Variants in MON1B observed in about 807,000 individuals in gnomAD.
MON1B encodes vacuolar fusion protein MON1 homolog B.
In MON1B, 26 loss-of-function variants were observed where a neutral mutation model predicts 45.1. The ratio of observed to expected loss-of-function variants is 0.58; its 90% CI spans 0.42 to 0.80. The LOEUF (loss-of-function observed/expected upper bound fraction) is 0.80. Ranked by LOEUF, MON1B falls within the 30% of genes least tolerant of loss-of-function variation. The pLI is 0.00. For missense variants in MON1B, 737 were observed against 754.5 expected, an observed-to-expected ratio of 0.98 and a Z score of 0.27; for synonymous variants, 395 against 320.2, an observed-to-expected ratio of 1.23 and a Z score of -2.49.
intron 2 of MON1B, among the ~76,000 whole-genome samples, chr16:77,192,005 G>A (rs771847146): frequency 6.6e-6 from 1 of 151,994 alleles, no homozygotes; most frequent in Non-Finnish European, 1.5e-5. Flanking sequence ...TGAGGAGTAG[G>A]GTGTTATTTA....
At position 77,199,512 on chromosome 16, in the gene MON1B, G is replaced by C. The variant is rs199890788; in HGVS notation, c.*1204G>C. The C allele has an allele frequency of 6.4e-7, 1 of 1,551,278 alleles. No individual in the cohort carries two copies. The highest frequency in any genetic ancestry group is 8.7e-7 in the Non-Finnish European group (1 of 1,146,746). ...GCCAGAAGCTACTGAGGAGGCTGAA[G>C]GTAGTGAGGGCAAGTGGGCTGCACT... On this transcript the variant is annotated 3_prime_UTR_variant, in exon 6 of 6. Coordinates refer to ENST00000248248, the MANE Select transcript of MON1B (RefSeq NM_014940.4).
chr16:77,194,066 CTG>C lies in MON1B; in HGVS notation c.476-265_476-264del, dbSNP rs2054639182. 4 of 599,570 alleles carry C rather than the reference CTG, an allele frequency of 6.7e-6. No homozygotes were observed. The highest frequency in any genetic ancestry group is 1.2e-5 in the Non-Finnish European group (4 of 337,452). 37.1% of individuals were successfully genotyped at this position (599,570 alleles called of 1,614,324 possible). On this transcript the variant is annotated intron_variant, in intron 3 of 5. Coordinates refer to ENST00000248248, the MANE Select transcript of MON1B (RefSeq NM_014940.4). The surrounding 1 kb of genome is among the most constrained non-coding windows in gnomAD (Gnocchi z 8.1). ...GTGGTTGAGCTGTGTCTTTCTGGCT[CTG>C]TGTCAGCCCTTGTACCATCTCTACC...
At chr16:77,191,289 A>G (rs1235283410) in intron 1 of MON1B, 31 bp downstream of exon 1, 14 of 1,544,188 alleles carry the variant, frequency 9.1e-6, no homozygotes, top group Middle Eastern at 1.7e-4. Context: ...CCTGAGGCCC[A>G]GTAGAGTCTC....
In MON1B at chr16:77,202,159, A is replaced by C. The variant is rs368467296; in HGVS notation, c.*3851A>C. On this transcript the variant is annotated 3_prime_UTR_variant, in exon 6 of 6. Transcript: ENST00000248248. ...CCTGAGGATCCTATATTCATATTGG[A>C]TCAGTATTAACATCCAGGTTTTGAT... is the stretch of plus-strand genomic sequence containing the variant. 6.6e-6 allele frequency: 1 copy of C among 152,212 alleles called. No individual in the cohort carries two copies. Among genetic ancestry groups the C allele is most frequent in the Non-Finnish European group, 1.5e-5 (1 of 68,038 alleles). 9.4% of individuals were successfully genotyped at this position (152,212 alleles called of 1,614,324 possible).
chr16:77,200,745 G>GC lies in MON1B; in HGVS notation c.*2438dup. ...CACTCCAGCGCGGAAGACAGAGTGAGCAAAAAAAAAAAAAAAAAAAGAAAA... is the reference window on the plus strand; with the variant it reads ...CACTCCAGCGCGGAAGACAGAGTGAGCCAAAAAAAAAAAAAAAAAAAGAAAA... On this transcript the variant is annotated 3_prime_UTR_variant, in exon 6 of 6. Transcript: ENST00000248248. 1 of 15,598 alleles carries GC rather than the reference G, an allele frequency of 6.4e-5. No homozygotes were observed. Among genetic ancestry groups the GC allele is most frequent in the Non-Finnish European group, 1.1e-4 (1 of 9,198 alleles). The allele number at this position is 15,598 out of a possible 1,614,324, so 1.0% of individuals were successfully genotyped here. A position where few individuals can be genotyped will look rare whatever the true frequency, so the allele number is the denominator to read the frequency against.
In MON1B at chr16:77,193,913, G is replaced by C; in HGVS notation, c.475+136G>C. ...TGTGTGGATGGTCAGCCAGAGCTCT[G>C]TCAGTGGCGGGAGGTGGGGGGGTTC... On this transcript the variant is annotated intron_variant, in intron 3 of 5. Coordinates refer to ENST00000248248, the MANE Select transcript of MON1B (RefSeq NM_014940.4). The surrounding 1 kb of genome is among the most constrained non-coding windows in gnomAD (Gnocchi z 5.0). The C allele has an allele frequency of 1.1e-6, 1 of 878,728 alleles. No individual in the cohort carries two copies. The highest frequency in any genetic ancestry group is 1.7e-6 in the Non-Finnish European group (1 of 588,070). The allele number at this position is 878,728 out of a possible 1,614,324, so 54.4% of individuals were successfully genotyped here.
At position 77,194,308 on chromosome 16, in the gene MON1B, C is replaced by G; in HGVS notation, c.476-27C>G. 1 of 1,582,490 alleles carries G rather than the reference C, an allele frequency of 6.3e-7. No homozygotes were observed. The highest frequency in any genetic ancestry group is 8.6e-7 in the Non-Finnish European group (1 of 1,164,082). The stretch of plus-strand genomic sequence containing the variant: ...TGGTCATTCCTGATCCAGCTGTACC[C>G]CCCCTTCTTACCCCTTCCTTCCCTA... On this transcript the variant is annotated intron_variant, in intron 3 of 5. Transcript: ENST00000248248. This position sits in a 1 kb window ranked among gnomAD's most constrained non-coding sequence, Gnocchi z 8.1.
chr16:77,198,152 G>A lies in MON1B; in HGVS notation c.1488G>A (p.Val496=). The change falls in exon 6 of 6, where the codon GTG becomes GTA. Residue 496 remains valine (V), a synonymous_variant. Transcript: ENST00000248248. Reference sequence around the variant, plus strand: ...TCTATACCTGCCTCAGCCCTCTGGTGACCAAGGCAGGTGCAATCTTGGTAG... The same window carrying A: ...TCTATACCTGCCTCAGCCCTCTGGTAACCAAGGCAGGTGCAATCTTGGTAG... The part of the protein sequence containing the change: ...FELYTCLSPL[V]TKAGAILVVT... 1 of 1,614,118 alleles carries A rather than the reference G, an allele frequency of 6.2e-7. No individual in the cohort carries two copies. Among genetic ancestry groups the A allele is most frequent in the Non-Finnish European group, 8.5e-7 (1 of 1,180,006 alleles).
At chr16:77,191,907 C>G (rs780995182) in intron 2 of MON1B, among the ~76,000 whole-genome samples, 3 of 152,062 alleles carry the variant, frequency 2.0e-5, no homozygotes, top group Non-Finnish European at 2.9e-5. Context: ...AAGAGGGTCA[C>G]TGAGGATTTA....
At position 77,199,384 on chromosome 16, in the gene MON1B, C is replaced by T. The variant is rs772486821; in HGVS notation, c.*1076C>T. On this transcript the variant is annotated 3_prime_UTR_variant, in exon 6 of 6. Transcript: ENST00000248248. Reference sequence around the variant, plus strand: ...CACGCATGCGTGCTGAAAAGCCTTTCACCCTCACGTGGTTTCTTTTTTAAC... The same window carrying T: ...CACGCATGCGTGCTGAAAAGCCTTTTACCCTCACGTGGTTTCTTTTTTAAC... The T allele has an allele frequency of 8.7e-6, 13 of 1,490,560 alleles. No homozygotes were observed. In the African/African-American group the frequency reaches 1.3e-4, roughly 14 times the overall value. 92.3% of individuals were successfully genotyped at this position (1,490,560 alleles called of 1,614,324 possible). A position where few individuals can be genotyped will look rare whatever the true frequency, so the allele number is the denominator to read the frequency against.
rs1231327924 is a variant in MON1B at position 77,194,015 on chromosome 16, C to T, written c.475+238C>T. The T allele has an allele frequency of 5.0e-6, 3 of 602,502 alleles. No individual in the cohort carries two copies. Among genetic ancestry groups the T allele is most frequent in the East Asian group, 5.5e-5 (2 of 36,076 alleles). The allele number at this position is 602,502 out of a possible 1,614,324, so 37.3% of individuals were successfully genotyped here. A position where few individuals can be genotyped will look rare whatever the true frequency, so the allele number is the denominator to read the frequency against. ...TGACTAGCTGGATACTTCTGTGTCACCTGAGAGGATAACTGTGGGGGCTGT... is the reference window on the plus strand; with the variant it reads ...TGACTAGCTGGATACTTCTGTGTCATCTGAGAGGATAACTGTGGGGGCTGT... On this transcript the variant is annotated intron_variant, in intron 3 of 5. Coordinates refer to ENST00000248248, the MANE Select transcript of MON1B (RefSeq NM_014940.4). This position sits in a 1 kb window ranked among gnomAD's most constrained non-coding sequence, Gnocchi z 8.1.
intron 5 of MON1B, 89 bp from the exon 6 acceptor site, chr16:77,198,019 G>C (rs1429529089): frequency 9.1e-6 from 12 of 1,323,126 alleles, no homozygotes; most frequent in African/African-American, 1.4e-5. Flanking sequence ...CCAGGTTGCA[G>C]GAGGCAGACA....
chr16:77,199,480 T>C lies in MON1B; in HGVS notation c.*1172T>C. ...GCGGGGAAGCTGAAACCTCTGAATG[T>C]GGAGGCGCCAGAAGCTACTGAGGAG... On this transcript the variant is annotated 3_prime_UTR_variant, in exon 6 of 6. Transcript: ENST00000248248. 1 of 1,551,410 alleles carries C rather than the reference T, an allele frequency of 6.4e-7. No homozygotes were observed. The highest frequency in any genetic ancestry group is 1.2e-5 in the South Asian group (1 of 84,034).
intron 5 of MON1B, among the ~76,000 whole-genome samples, chr16:77,196,398 G>A (rs1002914242): frequency 1.8e-4 from 27 of 152,174 alleles, no homozygotes; most frequent in African/African-American, 5.6e-4. Context: ...TATAAAGGGC[G>A]TGGTGAAAAC....
In MON1B at chr16:77,193,556, C is replaced by G. The variant is rs1205214811; in HGVS notation, c.254C>G (p.Pro85Arg). The change falls in exon 3 of 6, where the codon CCC becomes CGC. Residue 85 changes from proline to arginine, a missense_variant. Transcript: ENST00000248248. This position sits in a 1 kb window ranked among gnomAD's most constrained non-coding sequence, Gnocchi z 5.0. ...LWSPAAPENS[P>R]TCSPESSSGG... ...AGTCCTGCAGCCCCTGAGAATAGTC[C>G]CACATGTAGCCCTGAGAGTAGCTCT... The G allele has an allele frequency of 1.2e-6, 2 of 1,613,844 alleles. No homozygotes were observed. The highest frequency in any genetic ancestry group is 1.7e-6 in the Non-Finnish European group (2 of 1,179,896).
At chr16:77,195,449 T>C (rs1267697823) in intron 4 of MON1B, 86 bp from the exon 5 acceptor site, 1 of 1,442,444 alleles carries the variant, frequency 6.9e-7, no homozygotes. Context: ...CCTAACTTCA[T>C]TGAAATCTCT....
rs1281230884 is a variant in MON1B at position 77,199,344 on chromosome 16, C to T, written c.*1036C>T. The stretch of plus-strand genomic sequence containing the variant: ...AGCTGACTCCTGATTTAACCGCTGG[C>T]GTAACCGCGGGTTGCACGCATGCGT... On this transcript the variant is annotated 3_prime_UTR_variant, in exon 6 of 6. Coordinates refer to ENST00000248248, the MANE Select transcript of MON1B (RefSeq NM_014940.4). The T allele has an allele frequency of 1.3e-5, 14 of 1,111,776 alleles. No homozygotes were observed. The highest frequency in any genetic ancestry group is 7.8e-5 in the East Asian group (3 of 38,632). 68.9% of individuals were successfully genotyped at this position (1,111,776 alleles called of 1,614,324 possible). A position where few individuals can be genotyped will look rare whatever the true frequency, so the allele number is the denominator to read the frequency against.
rs2241416 is a variant in MON1B, at chr16:77,193,283, G to A, written c.149-168G>A. Reference sequence around the variant, plus strand: ...CCTAAATGTTAGTGGAGATCATTGCGGGGTCCTAGGGCAGTCATCGGGTCA... The same window carrying A: ...CCTAAATGTTAGTGGAGATCATTGCAGGGTCCTAGGGCAGTCATCGGGTCA... On this transcript the variant is annotated intron_variant, in intron 2 of 5. Transcript: ENST00000248248. This position sits in a 1 kb window ranked among gnomAD's most constrained non-coding sequence, Gnocchi z 5.0. Among the ~76,000 whole-genome samples, 43,475 of 151,936 alleles carry A rather than the reference G, an allele frequency of 0.29. 7,807 individuals carry two copies. Among genetic ancestry groups the A allele is most frequent in the Non-Finnish European group, 0.4 (26,826 of 67,892 alleles).
At position 77,194,431 on chromosome 16, in the gene MON1B, T is replaced by C; in HGVS notation, c.572T>C (p.Leu191Pro). 6.2e-7 allele frequency: 1 copy of C among 1,613,964 alleles called. No homozygotes were observed. Among genetic ancestry groups the C allele is most frequent in the Non-Finnish European group, 8.5e-7 (1 of 1,180,010 alleles). The change falls in exon 4 of 6, where the codon CTA (leucine) becomes CCA (proline). Residue 191 changes from leucine to proline, a missense_variant. Coordinates refer to ENST00000248248, the MANE Select transcript of MON1B (RefSeq NM_014940.4). This position sits in a 1 kb window ranked among gnomAD's most constrained non-coding sequence, Gnocchi z 8.1. ...QSAAQLRGEL[L>P]AVHAQIVSTL... ...GCAGCCCAGCTGCGGGGGGAGCTGC[T>C]AGCTGTGCACGCACAGATCGTGAGC...
Sources: gnomAD v4.1 joint callset for allele counts (sites outside exome capture counted in the v4.1 genomes callset) on GRCh38, gnomAD v4.1.1 for gene constraint, Gnocchi (gnomAD v3.1) non-coding constraint, MANE v1.5 for transcripts, NCBI Gene and HGNC (gene_info 2026-07-23, HGNC 2026-07-21) for gene names.